UBE2QL1: variants seen among roughly 807,000 people sequenced by gnomAD.
UBE2QL1 encodes ubiquitin-conjugating enzyme E2Q-like protein 1.
In UBE2QL1, 5 loss-of-function variants were observed where a neutral mutation model predicts 12.6. The ratio of observed to expected loss-of-function variants is 0.40; its 90% CI spans 0.21 to 0.83. The LOEUF (loss-of-function observed/expected upper bound fraction) is 0.83, where lower values mean the gene tolerates loss of function less well. Among genes scored for constraint, UBE2QL1 ranks in the 40% least tolerant of loss-of-function variants. The pLI, the probability that UBE2QL1 is intolerant of heterozygous loss-of-function variation, is 0.37. For synonymous variants in UBE2QL1, 96 were observed against 94.5 expected, an observed-to-expected ratio of 1.02 and a Z score of -0.10; for missense variants, 99 against 222.6, an observed-to-expected ratio of 0.44 and a Z score of 3.53.
rs1734284375 is a variant in UBE2QL1 at position 6,478,489 on chromosome 5, G to A, written c.355-12729G>A. 6.6e-6 allele frequency among the ~76,000 whole-genome samples: 1 copy of A among 152,200 alleles called. No individual in the cohort carries two copies. The highest frequency in any genetic ancestry group is 6.5e-5 in the Admixed American group (1 of 15,276). On this transcript the variant is annotated intron_variant, in intron 1 of 1. Coordinates refer to ENST00000399816, the MANE Select transcript of UBE2QL1 (RefSeq NM_001145161.3). This position sits in a 1 kb window ranked among gnomAD's most constrained non-coding sequence, Gnocchi z 4.5. ...AATATTTCTAGAACAACTAAGTTTG[G>A]GCTTTTTGGTCAAAGTCGTGAAGCT...
intron 1 of UBE2QL1, among the ~76,000 whole-genome samples, chr5:6,459,211 A>G (rs970801935): frequency 1.3e-5 from 2 of 152,170 alleles, no homozygotes; most frequent in African/African-American, 2.4e-5. Flanking sequence ...GAGAACTCAT[A>G]CAAGACTGCT....
rs1010215520 is a variant in UBE2QL1, at chr5:6,493,875, T to G, written c.*2526T>G. 1.3e-5 allele frequency: 2 copies of G among 152,174 alleles called. No homozygotes were observed. Among genetic ancestry groups the G allele is most frequent in the African/African-American group, 4.8e-5 (2 of 41,434 alleles). The allele number at this position is 152,174 out of a possible 1,614,324, so 9.4% of individuals were successfully genotyped here. A position where few individuals can be genotyped will look rare whatever the true frequency, so the allele number is the denominator to read the frequency against. On this transcript the variant is annotated 3_prime_UTR_variant, in exon 2 of 2. Transcript: ENST00000399816. The stretch of plus-strand genomic sequence containing the variant: ...GCCTGTGCCTTGGCCACAGCCTCCT[T>G]CCACCCCACTGAAGTGGACACCTGC...
At position 6,479,704 on chromosome 5, in the gene UBE2QL1, G is replaced by C. The variant is rs576637833; in HGVS notation, c.355-11514G>C. ...AGTAAGTGTTTCGGCCTTGAGAGTG[G>C]AGTGCAGCATCCTGGGTGCGGCCCA... On this transcript the variant is annotated intron_variant, in intron 1 of 1. Transcript: ENST00000399816. The surrounding 1 kb of genome is among the most constrained non-coding windows in gnomAD (Gnocchi z 4.2). 2.7e-4 allele frequency among the ~76,000 whole-genome samples: 41 copies of C among 152,304 alleles called. 1 individual carries two copies. The South Asian group carries it at 8.1e-3, about 30-fold the overall frequency.
intron 1 of UBE2QL1, among the ~76,000 whole-genome samples, chr5:6,453,562 G>A (rs1364716820): frequency 6.6e-6 from 1 of 152,172 alleles, no homozygotes; most frequent in Admixed American, 6.5e-5. Context: ...TTTAATAAAG[G>A]AAACTTGTCT....
intron 1 of UBE2QL1, among the ~76,000 whole-genome samples, chr5:6,472,693 A>G (rs1377967182): frequency 6.6e-6 from 1 of 152,030 alleles, no homozygotes; most frequent in African/African-American, 2.4e-5. Context: ...TTTTTGTGCA[A>G]GTGTTAGACA....
chr5:6,468,414 AGT>A (rs1225982674), intron 1 of UBE2QL1, among the ~76,000 whole-genome samples: 1 of 152,078 alleles, frequency 6.6e-6, no homozygotes, highest in Non-Finnish European at 1.5e-5. Flanking sequence ...GCAAAGTGAG[AGT>A]GTGGAGGGGT....
At chr5:6,460,257 T>C (rs1340286171) in intron 1 of UBE2QL1, among the ~76,000 whole-genome samples, 1 of 152,140 alleles carries the variant, frequency 6.6e-6, no homozygotes, top group East Asian at 1.9e-4. Context: ...CTCACATGAA[T>C]CATGAGGATC....
At chr5:6,480,148 G>T (rs913802254) in intron 1 of UBE2QL1, among the ~76,000 whole-genome samples, 1 of 152,192 alleles carries the variant, frequency 6.6e-6, no homozygotes, top group Admixed American at 6.5e-5. Context: ...TGACCCTTCC[G>T]CACGTTTCTG....
chr5:6,457,133 T>C (rs1162819037), intron 1 of UBE2QL1, among the ~76,000 whole-genome samples: 2 of 151,842 alleles, frequency 1.3e-5, no homozygotes, highest in African/African-American at 4.8e-5. Flanking sequence ...CCTTATGAAA[T>C]AGAGCTCAAG....
chr5:6,495,102 G>T lies in UBE2QL1; in HGVS notation c.*3753G>T, dbSNP rs1416539692. On this transcript the variant is annotated 3_prime_UTR_variant, in exon 2 of 2. Transcript: ENST00000399816. ...GGCAGGTGTAGCAGGTGTAGAAATG[G>T]GAGGGGCTGAGGGCACCTTGAAAGG... Among the ~76,000 whole-genome samples the T allele has an allele frequency of 6.6e-6, 1 of 152,180 alleles. No homozygotes were observed.
At chr5:6,458,643 C>G (rs1416774135) in intron 1 of UBE2QL1, among the ~76,000 whole-genome samples, 1 of 152,108 alleles carries the variant, frequency 6.6e-6, no homozygotes. Context: ...ATAACTATAC[C>G]AAGTAAAGAT....
chr5:6,487,728 A>G (rs1406562173), intron 1 of UBE2QL1, among the ~76,000 whole-genome samples: 1 of 152,278 alleles, frequency 6.6e-6, no homozygotes, highest in South Asian at 2.1e-4. Flanking sequence ...CAAATGCATT[A>G]TCTTACTGGA....
intron 1 of UBE2QL1, among the ~76,000 whole-genome samples, chr5:6,490,451 C>T (rs902674971): frequency 4.6e-5 from 7 of 152,216 alleles, no homozygotes; most frequent in African/African-American, 1.7e-4. Flanking sequence ...AGTGCTCTGT[C>T]CTTGGGAGCA....
intron 1 of UBE2QL1, among the ~76,000 whole-genome samples, chr5:6,485,222 T>C (rs1734439850): frequency 6.6e-6 from 1 of 152,134 alleles, no homozygotes; most frequent in Non-Finnish European, 1.5e-5. Context: ...CTCTGGATCC[T>C]TCTGTTTCCT....
rs1236261347 is a variant in UBE2QL1 at position 6,491,504 on chromosome 5, G to A, written c.*155G>A. The A allele has an allele frequency of 3.8e-6, 4 of 1,047,970 alleles. No homozygotes were observed. Among genetic ancestry groups the A allele is most frequent in the East Asian group, 2.8e-5 (1 of 36,092 alleles). The allele number at this position is 1,047,970 out of a possible 1,614,324, so 64.9% of individuals were successfully genotyped here. A position where few individuals can be genotyped will look rare whatever the true frequency, so the allele number is the denominator to read the frequency against. On this transcript the variant is annotated 3_prime_UTR_variant, in exon 2 of 2. Transcript: ENST00000399816. ...ACGTTTAAGTTATTTATGAAAAGAT[G>A]TGTGTACAGAGAGGAAGAGGGAGCA...
At chr5:6,468,531 G>T (rs544274265) in intron 1 of UBE2QL1, among the ~76,000 whole-genome samples, 1 of 152,344 alleles carries the variant, frequency 6.6e-6, no homozygotes, top group African/African-American at 2.4e-5. Flanking sequence ...AAACTTGAAG[G>T]TGGCTCTCCA....
intron 1 of UBE2QL1, among the ~76,000 whole-genome samples, chr5:6,470,867 G>C (rs2126350755): frequency 6.6e-6 from 1 of 152,286 alleles, no homozygotes; most frequent in South Asian, 2.1e-4. Context: ...CCTCCATATT[G>C]ATTGGATACA....
intron 1 of UBE2QL1, among the ~76,000 whole-genome samples, chr5:6,486,176 A>G (rs1161432227): frequency 2.0e-5 from 3 of 152,178 alleles, no homozygotes; most frequent in African/African-American, 7.2e-5. Context: ...TGCTTATTTT[A>G]CATATGAGAA....
chr5:6,458,639 A>T (rs1042586807), intron 1 of UBE2QL1, among the ~76,000 whole-genome samples: 1 of 152,242 alleles, frequency 6.6e-6, no homozygotes, highest in South Asian at 2.1e-4. Context: ...GGATATAACT[A>T]TACCAAGTAA....
Sources: allele counts gnomAD v4.1 joint callset (sites outside exome capture counted in the v4.1 genomes callset), GRCh38; gene constraint gnomAD v4.1.1; non-coding constraint Gnocchi (gnomAD v3.1); transcripts MANE v1.5; gene names NCBI Gene and HGNC (gene_info 2026-07-23, HGNC 2026-07-21).